Variants in NRXN3 observed in about 807,000 individuals in gnomAD.
NRXN3 encodes neurexin 3.
NRXN3 carries 32 observed loss-of-function variants against 137.6 expected under a neutral mutation model. The observed-to-expected ratio is 0.23, with a 90% CI of 0.18 to 0.31. The LOEUF (loss-of-function observed/expected upper bound fraction) is 0.31. NRXN3 is among the 10% of genes least tolerant of loss of function. The probability of loss-of-function intolerance (pLI) is 1.00; values close to 1 mark genes in which losing one functional copy is unlikely to be tolerated. For synonymous variants in NRXN3, 798 were observed against 784.5 expected, an observed-to-expected ratio of 1.02 and a Z score of -0.29; for missense variants, 1,574 against 2,062.5, an observed-to-expected ratio of 0.76 and a Z score of 4.59.
At chr14:79,107,722 G>C (rs898834269) in intron 15 of NRXN3, among the ~76,000 whole-genome samples, 2 of 152,090 alleles carry the variant, frequency 1.3e-5, no homozygotes, top group Non-Finnish European at 2.9e-5. Flanking sequence ...AATAGAAAGG[G>C]AGGAATTGAG....
intron 16 of NRXN3, among the ~76,000 whole-genome samples, chr14:79,631,818 A>T (rs2098353181): frequency 6.6e-6 from 1 of 151,582 alleles, no homozygotes; most frequent in African/African-American, 2.4e-5. Context: ...GCATCTAGCT[A>T]ATCAGGTAGG....
chr14:79,115,143 T>A (rs1310470650), intron 15 of NRXN3, among the ~76,000 whole-genome samples: 2 of 151,840 alleles, frequency 1.3e-5, no homozygotes, highest in African/African-American at 2.4e-5. Context: ...CTGACCAACA[T>A]GGAGAAACCC....
At chr14:78,795,983 A>T (rs1345595449) in intron 8 of NRXN3, among the ~76,000 whole-genome samples, 1 of 152,208 alleles carries the variant, frequency 6.6e-6, no homozygotes, top group East Asian at 1.9e-4. Flanking sequence ...AAAGGACAAG[A>T]GCTTTCTTAC....
intron 16 of NRXN3, among the ~76,000 whole-genome samples, chr14:79,579,733 G>T (rs2097697731): frequency 6.6e-6 from 1 of 152,088 alleles, no homozygotes; most frequent in Non-Finnish European, 1.5e-5. Flanking sequence ...TGCATAACGT[G>T]TAATGATGGG....
At chr14:79,183,236 C>G (rs1310468951) in intron 15 of NRXN3, among the ~76,000 whole-genome samples, 1 of 152,150 alleles carries the variant, frequency 6.6e-6, no homozygotes, top group African/African-American at 2.4e-5. Context: ...CCTCATTGCT[C>G]TGCTTGAAGC....
At chr14:78,526,305 C>T (rs991563162) in intron 4 of NRXN3, among the ~76,000 whole-genome samples, 2 of 152,186 alleles carry the variant, frequency 1.3e-5, no homozygotes, top group Admixed American at 6.5e-5. Context: ...AGTCTGAAAT[C>T]TCTCTCTCTT....
intron 15 of NRXN3, among the ~76,000 whole-genome samples, chr14:79,005,076 T>C (rs2099549578): frequency 6.6e-6 from 1 of 152,140 alleles, no homozygotes; most frequent in African/African-American, 2.4e-5. Context: ...GCTTCCTAAG[T>C]TTTCAGTTCT....
At chr14:79,170,604 A>G (rs926357262) in intron 15 of NRXN3, among the ~76,000 whole-genome samples, 3 of 152,058 alleles carry the variant, frequency 2.0e-5, no homozygotes, top group African/African-American at 4.8e-5. Context: ...GGGAAAATAC[A>G]TCTCTACTTT....
chr14:79,589,342 AT>A (rs889233192), intron 16 of NRXN3, among the ~76,000 whole-genome samples: 5 of 150,444 alleles, frequency 3.3e-5, no homozygotes, highest in Admixed American at 6.6e-5. Flanking sequence ...CATTTACTCT[AT>A]TTTTTTTTGT....
At chr14:78,552,498 G>T (rs2096701926) in intron 4 of NRXN3, among the ~76,000 whole-genome samples, 1 of 152,102 alleles carries the variant, frequency 6.6e-6, no homozygotes, top group African/African-American at 2.4e-5. Context: ...CATGAAGTCA[G>T]CAAATAAAAA....
intron 8 of NRXN3, among the ~76,000 whole-genome samples, chr14:78,784,386 C>T (rs1171092543): frequency 6.6e-6 from 1 of 152,102 alleles, no homozygotes; most frequent in East Asian, 1.9e-4. Context: ...GACAAGGAGG[C>T]AATAGTAGAT....
chr14:78,819,006 G>A (rs182841011), intron 10 of NRXN3, among the ~76,000 whole-genome samples: 3 of 152,120 alleles, frequency 2.0e-5, no homozygotes, highest in African/African-American at 7.2e-5. Flanking sequence ...TTCTCATGAT[G>A]GGGCCCTAAA....
chr14:78,907,383 A>G (rs1282772060), intron 10 of NRXN3, among the ~76,000 whole-genome samples: 2 of 152,036 alleles, frequency 1.3e-5, no homozygotes, highest in Non-Finnish European at 2.9e-5. Flanking sequence ...AGCTGGTCAG[A>G]GTGGGGATAG....
chr14:79,010,451 A>T (rs76239424), intron 15 of NRXN3, among the ~76,000 whole-genome samples: 1,701 of 152,276 alleles, frequency 0.011, 26 homozygotes, highest in African/African-American at 0.04. Flanking sequence ...ATATGAGTGT[A>T]ACTCATACCT....
At chr14:79,663,501 C>G (rs1040794695) in intron 16 of NRXN3, among the ~76,000 whole-genome samples, 2 of 152,092 alleles carry the variant, frequency 1.3e-5, no homozygotes, top group East Asian at 3.9e-4. Flanking sequence ...TGCATAGCTA[C>G]TAGGTAGTTC....
chr14:79,697,451 A>ACT (rs2098739683), intron 18 of NRXN3, among the ~76,000 whole-genome samples, 179 bp from the exon 19 acceptor site: 1 of 151,974 alleles, frequency 6.6e-6, no homozygotes, highest in Non-Finnish European at 1.5e-5. Context: ...AGACAGTGGA[A>ACT]GAGATAACCA....
At chr14:78,250,962 G>C (rs1253005417) in intron 2 of NRXN3, among the ~76,000 whole-genome samples, 1 of 152,310 alleles carries the variant, frequency 6.6e-6, no homozygotes, top group East Asian at 1.9e-4. Context: ...GAGAGAGAGA[G>C]AGAGAGAGAG....
At chr14:79,511,899 T>C (rs1218650406) in intron 16 of NRXN3, among the ~76,000 whole-genome samples, 2 of 152,200 alleles carry the variant, frequency 1.3e-5, no homozygotes, top group Non-Finnish European at 2.9e-5. Flanking sequence ...TATTTTTTGT[T>C]GTTGTTCTTG....
At chr14:79,001,478 C>G (rs1307096066) in intron 15 of NRXN3, among the ~76,000 whole-genome samples, 1 of 152,152 alleles carries the variant, frequency 6.6e-6, no homozygotes, top group African/African-American at 2.4e-5. Context: ...CTAATAAGGT[C>G]AGGTTTCTCG....
Sources: allele counts gnomAD v4.1 joint callset (sites outside exome capture counted in the v4.1 genomes callset), GRCh38; gene constraint gnomAD v4.1.1; transcripts MANE v1.5; gene names NCBI Gene and HGNC (gene_info 2026-07-23, HGNC 2026-07-21).